DENND3: variants seen among roughly 807,000 people sequenced by gnomAD.
DENND3 encodes DENN domain containing 3.
Under a neutral mutation model 135.1 loss-of-function variants are expected in DENND3, and 88 were observed. The ratio of observed to expected loss-of-function variants is 0.65; its 90% CI spans 0.55 to 0.78. The LOEUF (loss-of-function observed/expected upper bound fraction) is 0.78, where lower values mean the gene tolerates loss of function less well. Among genes scored for constraint, DENND3 ranks in the 30% least tolerant of loss-of-function variants. The pLI is 0.00. For synonymous variants in DENND3, 693 were observed against 712.3 expected, an observed-to-expected ratio of 0.97 and a Z score of 0.43; for missense variants, 1,392 against 1,688.4, an observed-to-expected ratio of 0.82 and a Z score of 3.08.
chr8:141,174,393 C>G lies in DENND3; in HGVS notation c.2276-807C>G, dbSNP rs1416505205. On this transcript the variant is annotated intron_variant, in intron 13 of 22. Coordinates refer to ENST00000519811, the MANE Select transcript of DENND3 (RefSeq NM_001352890.3). The surrounding 1 kb of genome is among the most constrained non-coding windows in gnomAD (Gnocchi z 4.6). ...GGGGGACTTGCTGCACGTCAGGGGA[C>G]AGAGAGAGGGACACTGGGTGGAGGC... Among the ~76,000 whole-genome samples the G allele has an allele frequency of 6.6e-6, 1 of 152,016 alleles. No individual in the cohort carries two copies. Among genetic ancestry groups the G allele is most frequent in the Admixed American group, 6.6e-5 (1 of 15,260 alleles).
intron 5 of DENND3, among the ~76,000 whole-genome samples, chr8:141,147,795 C>T (rs552685439): frequency 5.3e-5 from 8 of 152,236 alleles, no homozygotes; most frequent in African/African-American, 1.9e-4. Context: ...CAGCCGGGCC[C>T]GCACAGAGCT....
rs1362347280 is a variant in DENND3, at chr8:141,167,341, C to T, written c.1754-663C>T. Among the ~76,000 whole-genome samples, 1 of 152,194 alleles carries T rather than the reference C, an allele frequency of 6.6e-6. No homozygotes were observed. Among genetic ancestry groups the T allele is most frequent in the Non-Finnish European group, 1.5e-5 (1 of 68,036 alleles). On this transcript the variant is annotated intron_variant, in intron 12 of 22. Transcript: ENST00000519811. This position sits in a 1 kb window ranked among gnomAD's most constrained non-coding sequence, Gnocchi z 4.1. ...TCACCCTGGGAGCATGCTCCGCTTT[C>T]CCTGCCCTCGGAACCTTCCCCTGGA...
In DENND3 at chr8:141,190,279, C is replaced by T; in HGVS notation, c.3246-5C>T. ...AAGGTGTGTGTGTGTGTTTTGTGCC[C>T]CCAGCAACGTGTACTCGTGCAGCAT... On this transcript the variant is annotated splice_polypyrimidine_tract_variant and splice_region_variant and intron_variant, in intron 19 of 22. Transcript: ENST00000519811. 2 of 1,583,018 alleles carry T rather than the reference C, an allele frequency of 1.3e-6. No individual in the cohort carries two copies. Among genetic ancestry groups the T allele is most frequent in the Non-Finnish European group, 1.7e-6 (2 of 1,162,596 alleles).
chr8:141,156,008 C>T, intron 8 of DENND3, 38 bp downstream of exon 8: 1 of 1,563,140 alleles, frequency 6.4e-7, no homozygotes, highest in Non-Finnish European at 8.7e-7. Flanking sequence ...TTCAGACCGT[C>T]TTTGTTCAGA....
rs1209267290 is a variant in DENND3, at chr8:141,138,617, C to T, written c.501+480C>T. On this transcript the variant is annotated intron_variant, in intron 3 of 22. Coordinates refer to ENST00000519811, the MANE Select transcript of DENND3 (RefSeq NM_001352890.3). The surrounding 1 kb of genome is among the most constrained non-coding windows in gnomAD (Gnocchi z 4.8). ...GCCGGGCTGGTTTCGAACTCCTGAC[C>T]TCAGGTGATCCACCCGCCTCAGCCT... Among the ~76,000 whole-genome samples the T allele has an allele frequency of 2.0e-5, 3 of 152,024 alleles. No homozygotes were observed. The highest frequency in any genetic ancestry group is 4.8e-5 in the African/African-American group (2 of 41,388).
intron 17 of DENND3, among the ~76,000 whole-genome samples, chr8:141,181,505 C>T (rs761012835): frequency 8.5e-5 from 13 of 152,206 alleles, no homozygotes; most frequent in South Asian, 2.1e-4. Context: ...CCCTCTTCTC[C>T]GCTGGGTGCG....
At chr8:141,153,957 G>GT (rs1209973334) in intron 7 of DENND3, among the ~76,000 whole-genome samples, 14 of 152,172 alleles carry the variant, frequency 9.2e-5, no homozygotes, top group Admixed American at 9.2e-4. Context: ...TTGTTTTTGT[G>GT]TTTTGTGGCT....
Position 141,174,257 on chromosome 8 carries a change from T to C in DENND3, c.2276-943T>C, listed in dbSNP as rs945509880. On this transcript the variant is annotated intron_variant, in intron 13 of 22. Transcript: ENST00000519811. This position sits in a 1 kb window ranked among gnomAD's most constrained non-coding sequence, Gnocchi z 4.6. ...GAGTGTTAAACATGGGAGCGGGAAC[T>C]CCTCTCTGCATTTGAGAAAAGTGGC... Among the ~76,000 whole-genome samples, 1 of 152,118 alleles carries C rather than the reference T, an allele frequency of 6.6e-6. No homozygotes were observed. The highest frequency in any genetic ancestry group is 2.4e-5 in the African/African-American group (1 of 41,400).
intron 1 of DENND3, among the ~76,000 whole-genome samples, chr8:141,132,293 A>C (rs1325628281): frequency 6.6e-6 from 1 of 152,194 alleles, no homozygotes; most frequent in Non-Finnish European, 1.5e-5. Context: ...ACCCTGTGCA[A>C]AGTGTGTCAT....
rs543913248 is a variant in DENND3, at chr8:141,189,492, G to A, written c.3245+346G>A. 8.5e-5 allele frequency among the ~76,000 whole-genome samples: 13 copies of A among 152,324 alleles called. No individual in the cohort carries two copies. The East Asian group carries it at 1.5e-3, about 18-fold the overall frequency. Reference sequence around the variant, plus strand: ...AGAAGCCTGGACTCGCCTGATAATCGCCTGAGTGCTCAGTGTTGGCCTTGG... The same window carrying A: ...AGAAGCCTGGACTCGCCTGATAATCACCTGAGTGCTCAGTGTTGGCCTTGG... On this transcript the variant is annotated intron_variant, in intron 19 of 22. Coordinates refer to ENST00000519811, the MANE Select transcript of DENND3 (RefSeq NM_001352890.3).
At position 141,159,208 on chromosome 8, in the gene DENND3, C is replaced by T. The variant is rs529492150; in HGVS notation, c.1197-1424C>T. On this transcript the variant is annotated intron_variant, in intron 8 of 22. Transcript: ENST00000519811. ...ACCGCGTGCCTGCCTGCTACCATCC[C>T]CTGGTGGGCCACTCCACCCAGAATC... Among the ~76,000 whole-genome samples, 6 of 152,320 alleles carry T rather than the reference C, an allele frequency of 3.9e-5. No homozygotes were observed. In the South Asian group the frequency reaches 1.2e-3, roughly 32 times the overall value.
chr8:141,185,823 TCAAA>T (rs1438161165), intron 18 of DENND3, among the ~76,000 whole-genome samples: 6 of 151,704 alleles, frequency 4.0e-5, no homozygotes, highest in South Asian at 2.1e-4. Flanking sequence ...ATACCCTGTC[TCAAA>T]CAGACAAATA....
chr8:141,137,865 G>A lies in DENND3; in HGVS notation c.386-157G>A, dbSNP rs1024042509. ...AGGGACTCAGGGAGGATAGACGGCC[G>A]GAGGCGTGATCGGAAGAATGAACCC... On this transcript the variant is annotated intron_variant, in intron 2 of 22. Coordinates refer to ENST00000519811, the MANE Select transcript of DENND3 (RefSeq NM_001352890.3). The surrounding 1 kb of genome is among the most constrained non-coding windows in gnomAD (Gnocchi z 4.1). Among the ~76,000 whole-genome samples, 2 of 152,196 alleles carry A rather than the reference G, an allele frequency of 1.3e-5. No homozygotes were observed. The highest frequency in any genetic ancestry group is 2.4e-5 in the African/African-American group (1 of 41,440).
At chr8:141,129,197 C>T (rs1224097060) in intron 1 of DENND3, among the ~76,000 whole-genome samples, 1 of 152,230 alleles carries the variant, frequency 6.6e-6, no homozygotes, top group East Asian at 1.9e-4. Flanking sequence ...CACCAGACAA[C>T]GGGCGGAAGC....
rs61744572 is a variant in DENND3, at chr8:141,194,686, C to A, written c.*453C>A. On this transcript the variant is annotated 3_prime_UTR_variant, in exon 23 of 23. Coordinates refer to ENST00000519811, the MANE Select transcript of DENND3 (RefSeq NM_001352890.3). ...TCACCGAGGAACACTGGGCTGAGCA[C>A]ATGACAGGGAGCCTGGAGCCCCGGG... 1,570 of 167,534 alleles carry A rather than the reference C, an allele frequency of 9.4e-3. 11 individuals are homozygous for A. Among genetic ancestry groups the A allele is most frequent in the Middle Eastern group, 0.048 (16 of 334 alleles). 10.4% of individuals were successfully genotyped at this position (167,534 alleles called of 1,614,324 possible).
chr8:141,145,802 ATTATATATATAT>A (rs1817953358), intron 5 of DENND3, among the ~76,000 whole-genome samples: 1 of 103,002 alleles, frequency 9.7e-6, no homozygotes, highest in African/African-American at 3.3e-5. Context: ...AATATTGAAT[ATTATATATATAT>A]ATATATATAT....
At chr8:141,188,177 A>G (rs1824177487) in intron 18 of DENND3, among the ~76,000 whole-genome samples, 1 of 151,978 alleles carries the variant, frequency 6.6e-6, no homozygotes. Context: ...GTGAGCCATG[A>G]TCATGCCACT....
At chr8:141,161,742 G>A (rs916829354) in intron 9 of DENND3, among the ~76,000 whole-genome samples, 3 of 151,812 alleles carry the variant, frequency 2.0e-5, no homozygotes, top group Non-Finnish European at 4.4e-5. Context: ...TTAGCACAGA[G>A]CCTGCTGGCT....
At chr8:141,140,787 C>T (rs998154999) in intron 3 of DENND3, among the ~76,000 whole-genome samples, 19 of 152,320 alleles carry the variant, frequency 1.2e-4, no homozygotes, top group African/African-American at 3.1e-4. Context: ...TAGAACCCTG[C>T]GGCCGTGGCT....
Sources: gnomAD v4.1 joint callset for allele counts (sites outside exome capture counted in the v4.1 genomes callset) on GRCh38, gnomAD v4.1.1 for gene constraint, Gnocchi (gnomAD v3.1) non-coding constraint, MANE v1.5 for transcripts, NCBI Gene and HGNC (gene_info 2026-07-23, HGNC 2026-07-21) for gene names.